The following PGPEP1L variants were observed in gnomAD, a reference collection of about 807,000 sequenced individuals.
PGPEP1L encodes the protein pyroglutamyl-peptidase 1-like protein.
A neutral mutation model predicts 6.0 loss-of-function variants in PGPEP1L; 7 were observed. The observed-to-expected ratio is 1.17, with a 90% confidence interval of 0.66 to 2.19. The LOEUF (loss-of-function observed/expected upper bound fraction) is 2.19, where lower values mean the gene tolerates loss of function less well. PGPEP1L is among the 30% of genes most tolerant of loss of function. PGPEP1L has a pLI of 0.00. For synonymous variants in PGPEP1L, 103 were observed against 83.9 expected (o/e 1.23, Z -1.24); for missense variants, 209 against 192.5 (o/e 1.09, Z -0.51).
chr15:98,979,083 C>A (rs8035609), intron 2 of PGPEP1L, among the ~76,000 whole-genome samples: 135,048 of 151,648 alleles, frequency 0.89, 60,538 homozygotes, highest in South Asian at 0.94. Flanking sequence ...CAAATATAGC[C>A]CCAATGCCCT....
rs568793204 is a variant in PGPEP1L, at chr15:98,979,633, C to CTTTTTT, written c.-141-8481_-141-8476dup. ...AACCTGGATGGGATTGGAGACTATT[C>CTTTTTT]TTTTTTTTTTTTTTTTTTTTTTTTT... On this transcript the variant is annotated intron_variant, in intron 2 of 4. Coordinates refer to ENST00000535714, the MANE Select transcript of PGPEP1L (RefSeq NM_001167902.2). 1.9e-3 allele frequency among the ~76,000 whole-genome samples: 89 copies of CTTTTTT among 46,484 alleles called. 10 individuals carry two copies. The highest frequency in any genetic ancestry group is 2.3e-3 in the Non-Finnish European group (49 of 21,264). The allele number at this position is 46,484 out of a possible 152,430, so 30.5% of individuals were successfully genotyped here. A position where few individuals can be genotyped will look rare whatever the true frequency, so the allele number is the denominator to read the frequency against.
chr15:98,978,143 C>T (rs1181291925), intron 2 of PGPEP1L, among the ~76,000 whole-genome samples: 5 of 152,170 alleles, frequency 3.3e-5, no homozygotes, highest in Non-Finnish European at 5.9e-5. Flanking sequence ...GAGATCTTTT[C>T]GGTTCATTAG....
intron 2 of PGPEP1L, among the ~76,000 whole-genome samples, chr15:98,995,345 A>G (rs1239522937): frequency 2.6e-5 from 4 of 152,162 alleles, no homozygotes; most frequent in Non-Finnish European, 5.9e-5. Context: ...ATCTATATGT[A>G]TATCTAATCT....
intron 2 of PGPEP1L, among the ~76,000 whole-genome samples, chr15:98,978,371 G>A (rs951356058): frequency 1.3e-5 from 2 of 152,268 alleles, no homozygotes; most frequent in South Asian, 2.1e-4. Context: ...GTAGAGTCCA[G>A]GGACCTAATT....
At chr15:98,975,626 A>T (rs2017557169) in intron 2 of PGPEP1L, among the ~76,000 whole-genome samples, 1 of 152,190 alleles carries the variant, frequency 6.6e-6, no homozygotes, top group African/African-American at 2.4e-5. Context: ...CACGCCTGTA[A>T]TCCCAGCACT....
intron 2 of PGPEP1L, among the ~76,000 whole-genome samples, chr15:98,973,868 A>C (rs557632115): frequency 1.3e-5 from 2 of 152,344 alleles, no homozygotes; most frequent in Admixed American, 6.5e-5. Flanking sequence ...GAAATAAATA[A>C]AAATTCAAAC....
chr15:99,000,252 G>A (rs544103469), intron 2 of PGPEP1L, among the ~76,000 whole-genome samples: 4 of 152,232 alleles, frequency 2.6e-5, no homozygotes, highest in African/African-American at 9.6e-5. Flanking sequence ...GCCGGGCAGG[G>A]CTCAGGACCT....
chr15:98,981,986 C>T (rs571194076), intron 2 of PGPEP1L, among the ~76,000 whole-genome samples: 30 of 152,288 alleles, frequency 2.0e-4, no homozygotes, highest in African/African-American at 6.5e-4. Flanking sequence ...TCTGAAAGAT[C>T]ATCTTGGTCT....
chr15:99,001,406 G>A (rs1555473005), intron 2 of PGPEP1L: 1 of 172,540 alleles, frequency 5.8e-6, no homozygotes, highest in East Asian at 1.9e-4. Flanking sequence ...TATGTGTGTT[G>A]TGGGGGGACG....
intron 2 of PGPEP1L, among the ~76,000 whole-genome samples, chr15:98,982,704 T>C (rs113228875): frequency 4.2e-3 from 94 of 22,390 alleles, no homozygotes; most frequent in African/African-American, 0.02. Flanking sequence ...CTGAGGCTTT[T>C]TTTTTTTTTT....
chr15:98,980,470 ATAAG>A (rs2017642011), intron 2 of PGPEP1L, among the ~76,000 whole-genome samples: 2 of 152,098 alleles, frequency 1.3e-5, no homozygotes, highest in Admixed American at 1.3e-4. Flanking sequence ...AAGTAAACAA[ATAAG>A]TAAGTGGGTC....
At chr15:99,006,514 G>A (rs545831044) in intron 1 of PGPEP1L, among the ~76,000 whole-genome samples, 14 of 152,290 alleles carry the variant, frequency 9.2e-5, no homozygotes, top group Admixed American at 2.6e-4. Flanking sequence ...TTGATCTTTC[G>A]GAGAATTCTA....
chr15:98,974,089 A>G (rs982158762), intron 2 of PGPEP1L, among the ~76,000 whole-genome samples: 7 of 152,244 alleles, frequency 4.6e-5, no homozygotes, highest in African/African-American at 1.7e-4. Context: ...TGGAAAATAT[A>G]GAAGAAATAG....
chr15:98,977,290 C>T (rs2017584288), intron 2 of PGPEP1L, among the ~76,000 whole-genome samples: 1 of 151,984 alleles, frequency 6.6e-6, no homozygotes, highest in South Asian at 2.1e-4. Context: ...TTAATTTGTT[C>T]TGTTAGTTTC....
intron 2 of PGPEP1L, among the ~76,000 whole-genome samples, chr15:98,973,096 T>C (rs1046980274): frequency 3.3e-5 from 5 of 151,788 alleles, no homozygotes; most frequent in African/African-American, 1.2e-4. Context: ...AAGTCAAGAA[T>C]GGTGAAAAAA....
At chr15:98,973,641 T>A (rs1426161513) in intron 2 of PGPEP1L, among the ~76,000 whole-genome samples, 2 of 152,052 alleles carry the variant, frequency 1.3e-5, no homozygotes, top group African/African-American at 4.8e-5. Context: ...AAAGAAAATT[T>A]AAAAATTTAA....
At chr15:98,980,744 CAA>C (rs1209640445) in intron 2 of PGPEP1L, among the ~76,000 whole-genome samples, 4 of 151,690 alleles carry the variant, frequency 2.6e-5, no homozygotes, top group Non-Finnish European at 5.9e-5. Context: ...CCAGCCTGGC[CAA>C]AAGAGTGAAA....
intron 2 of PGPEP1L, among the ~76,000 whole-genome samples, chr15:98,981,681 G>C (rs1277859413): frequency 6.6e-6 from 1 of 152,136 alleles, no homozygotes; most frequent in African/African-American, 2.4e-5. Context: ...TGGACTTTAT[G>C]TAAAGGTAAT....
At chr15:98,995,058 G>A (rs1433681961) in intron 2 of PGPEP1L, among the ~76,000 whole-genome samples, 1 of 151,958 alleles carries the variant, frequency 6.6e-6, no homozygotes, top group Non-Finnish European at 1.5e-5. Context: ...TCTATTTTGT[G>A]CTCATCTCTG....
Sources: gnomAD v4.1 joint callset for allele counts (sites outside exome capture counted in the v4.1 genomes callset) on GRCh38, gnomAD v4.1.1 for gene constraint, MANE v1.5 for transcripts, NCBI Gene and HGNC (gene_info 2026-07-23, HGNC 2026-07-21) for gene names.